The following FAT3 variants were observed in gnomAD, a reference collection of about 807,000 sequenced individuals.
FAT3 encodes the protein FAT atypical cadherin 3, also known as protocadherin Fat 3.
Under a neutral mutation model 310.2 loss-of-function variants are expected in FAT3, and 95 were observed. That is an observed-to-expected ratio of 0.31 (90% CI 0.26 to 0.36). FAT3 has a LOEUF of 0.36. Among genes scored for constraint, FAT3 ranks in the 10% least tolerant of loss-of-function variants. The probability of loss-of-function intolerance (pLI) is 1.00; values close to 1 mark genes in which losing one functional copy is unlikely to be tolerated. For missense variants in FAT3, 5,408 were observed against 5,715.6 expected (o/e 0.95, Z 1.74); for synonymous variants, 2,314 against 2,192.9 (o/e 1.06, Z -1.54).
intron 3 of FAT3, among the ~76,000 whole-genome samples, chr11:92,554,543 A>G (rs534293199): frequency 2.5e-4 from 38 of 150,688 alleles, no homozygotes; most frequent in African/African-American, 8.8e-4. Context: ...CAAAGCCATT[A>G]CTAGAGGGGA....
At chr11:92,865,851 G>C (rs370072369) in intron 21 of FAT3, among the ~76,000 whole-genome samples, 3 of 152,178 alleles carry the variant, frequency 2.0e-5, no homozygotes, top group Admixed American at 1.3e-4. Context: ...TGTCTCCTGG[G>C]ATTAGCCTCC....
intron 5 of FAT3, 84 bp from the exon 6 acceptor site, chr11:92,764,795 G>T: frequency 1.5e-6 from 2 of 1,294,506 alleles, no homozygotes; most frequent in Non-Finnish European, 2.1e-6. Flanking sequence ...ATGGACTCTT[G>T]GCCCAGCAAC....
chr11:92,755,167 A>G (rs1268025731), intron 4 of FAT3, among the ~76,000 whole-genome samples: 1 of 152,142 alleles, frequency 6.6e-6, no homozygotes, highest in Non-Finnish European at 1.5e-5. Context: ...GATTATACTA[A>G]TGGTAATAAC....
intron 3 of FAT3, among the ~76,000 whole-genome samples, chr11:92,549,975 A>T (rs994207325): frequency 2.0e-5 from 3 of 152,096 alleles, no homozygotes; most frequent in Admixed American, 2.0e-4. Context: ...AAGCTCAGAG[A>T]GTTTTAGAAA....
chr11:92,729,259 C>A lies in FAT3; in HGVS notation c.3669+31814C>A, dbSNP rs143597172. Among the ~76,000 whole-genome samples the A allele has an allele frequency of 7.3e-3, 1,109 of 152,114 alleles. 15 individuals carry two copies. The highest frequency in any genetic ancestry group is 0.025 in the African/African-American group (1,048 of 41,502). On this transcript the variant is annotated intron_variant, in intron 4 of 27. Coordinates refer to ENST00000525166, the MANE Select transcript of FAT3 (RefSeq NM_001367949.2). ...AACTGACTGACAAACGCAGAGCACT[C>A]GATAAATGTCATTGTTATTATTGGT...
At chr11:92,237,655 G>C (rs1192710486) in intron 1 of FAT3, among the ~76,000 whole-genome samples, 1 of 152,118 alleles carries the variant, frequency 6.6e-6, no homozygotes, top group Non-Finnish European at 1.5e-5. Context: ...CCTGTCATCT[G>C]TGAATGGTGA....
intron 3 of FAT3, among the ~76,000 whole-genome samples, chr11:92,579,708 T>C (rs1238997426): frequency 6.6e-6 from 1 of 152,118 alleles, no homozygotes; most frequent in Admixed American, 6.6e-5. Context: ...CTATTTTTCA[T>C]AGCTCCAGAA....
chr11:92,368,114 GT>G (rs891699899), intron 2 of FAT3, among the ~76,000 whole-genome samples: 6 of 151,832 alleles, frequency 4.0e-5, no homozygotes, highest in African/African-American at 7.3e-5. Flanking sequence ...CCTCTCTAAT[GT>G]TTTTTTTCTT....
intron 1 of FAT3, among the ~76,000 whole-genome samples, chr11:92,231,113 CCCCA>C (rs1468355422): frequency 6.6e-6 from 1 of 152,148 alleles, no homozygotes; most frequent in Non-Finnish European, 1.5e-5. Context: ...GTCTCCCACC[CCCCA>C]ATTTCAAAGG....
intron 2 of FAT3, among the ~76,000 whole-genome samples, chr11:92,520,592 T>C (rs1401951510): frequency 2.0e-5 from 3 of 152,028 alleles, no homozygotes; most frequent in African/African-American, 7.2e-5. Flanking sequence ...AAAAGTGAGA[T>C]TTGATTGATA....
At chr11:92,575,565 G>A (rs562729621) in intron 3 of FAT3, among the ~76,000 whole-genome samples, 3 of 152,248 alleles carry the variant, frequency 2.0e-5, no homozygotes, top group African/African-American at 7.2e-5. Context: ...CTTTGACAAT[G>A]TTAACATTTC....
intron 4 of FAT3, among the ~76,000 whole-genome samples, chr11:92,750,902 T>C (rs1945810667): frequency 6.6e-6 from 1 of 152,182 alleles, no homozygotes; most frequent in African/African-American, 2.4e-5. Flanking sequence ...GGCAGATTGA[T>C]TGGTAGTGAC....
intron 3 of FAT3, among the ~76,000 whole-genome samples, chr11:92,549,496 A>G (rs1384093393): frequency 6.6e-6 from 1 of 152,198 alleles, no homozygotes; most frequent in African/African-American, 2.4e-5. Flanking sequence ...GAGCTGGAAG[A>G]TGGATTATGC....
intron 3 of FAT3, among the ~76,000 whole-genome samples, chr11:92,609,163 T>A (rs1940445686): frequency 6.6e-6 from 1 of 152,236 alleles, no homozygotes; most frequent in Admixed American, 6.5e-5. Context: ...TTCTGAATAA[T>A]TAACTGTGGG....
At chr11:92,552,676 T>G (rs1355630663) in intron 3 of FAT3, among the ~76,000 whole-genome samples, 2 of 152,150 alleles carry the variant, frequency 1.3e-5, no homozygotes, top group Non-Finnish European at 2.9e-5. Flanking sequence ...AATCTTAAAG[T>G]CTCAGGATTT....
intron 1 of FAT3, among the ~76,000 whole-genome samples, chr11:92,301,208 G>A (rs868694760): frequency 1.8e-4 from 27 of 152,152 alleles, no homozygotes; most frequent in Admixed American, 4.6e-4. Context: ...TGAAAGGGAA[G>A]AGAGCCCAGT....
At chr11:92,727,296 G>A (rs1452101118) in intron 4 of FAT3, among the ~76,000 whole-genome samples, 2 of 152,130 alleles carry the variant, frequency 1.3e-5, no homozygotes, top group African/African-American at 2.4e-5. Flanking sequence ...TATATCAAGT[G>A]CCAAGAGTCA....
intron 2 of FAT3, among the ~76,000 whole-genome samples, chr11:92,450,643 A>G (rs991435984): frequency 2.0e-5 from 3 of 152,210 alleles, no homozygotes; most frequent in Non-Finnish European, 2.9e-5. Flanking sequence ...TTGGACCTGT[A>G]TCTCAATCAG....
chr11:92,486,311 A>C (rs964771352), intron 2 of FAT3, among the ~76,000 whole-genome samples: 1 of 151,382 alleles, frequency 6.6e-6, no homozygotes, highest in Non-Finnish European at 1.5e-5. Flanking sequence ...TTTTTTACTA[A>C]ATTATACTTT....
Sources: gnomAD v4.1 joint callset for allele counts (sites outside exome capture counted in the v4.1 genomes callset) on GRCh38, gnomAD v4.1.1 for gene constraint, MANE v1.5 for transcripts, NCBI Gene and HGNC (gene_info 2026-07-23, HGNC 2026-07-21) for gene names.